Variants in HTR4 observed in about 807,000 individuals in gnomAD.
HTR4 encodes 5-hydroxytryptamine (serotonin) receptor 4, G protein-coupled.
Under a neutral mutation model 36.8 loss-of-function variants are expected in HTR4, and 16 were observed. The observed-to-expected ratio is 0.43, with a 90% CI of 0.29 to 0.66. The LOEUF is 0.66. HTR4 is among the 30% of genes least tolerant of loss of function. The pLI, the probability that HTR4 is intolerant of heterozygous loss-of-function variation, is 0.13. For missense variants in HTR4, 438 were observed against 490.9 expected (o/e 0.89, Z 1.02); for synonymous variants, 189 against 185.1 (o/e 1.02, Z -0.17).
chr5:148,452,487 A>T (rs1754996808), intron 5 of HTR4, among the ~76,000 whole-genome samples: 1 of 152,184 alleles, frequency 6.6e-6, no homozygotes, highest in Non-Finnish European at 1.5e-5. Context: ...CTCTACTGGC[A>T]CCTAGCGGGT....
chr5:148,487,373 G>A (rs1756212079), intron 6 of HTR4, among the ~76,000 whole-genome samples: 1 of 152,086 alleles, frequency 6.6e-6, no homozygotes, highest in African/African-American at 2.4e-5. Context: ...TTCTGTGGAA[G>A]AAAGAATAGG....
chr5:148,524,865 G>T lies in HTR4; in HGVS notation c.354-1519C>A, dbSNP rs147204086. Among the ~76,000 whole-genome samples the T allele has an allele frequency of 6.7e-3, 1,018 of 152,304 alleles. 4 individuals are homozygous for T. Among genetic ancestry groups the T allele is most frequent in the Non-Finnish European group, 0.012 (824 of 68,024 alleles). On this transcript the variant is annotated intron_variant, in intron 4 of 6. Coordinates refer to ENST00000377888, the MANE Select transcript of HTR4 (RefSeq NM_000870.7). ...GGCTATATTCTTTGAAGAGGTGGTA[G>T]TAGGATGGGTTGAGAGAGAGGGTGG... is the stretch of plus-strand genomic sequence containing the variant.
chr5:148,643,320 C>A (rs760184084), intron 1 of HTR4, among the ~76,000 whole-genome samples: 39 of 152,236 alleles, frequency 2.6e-4, no homozygotes, highest in African/African-American at 7.2e-4. Context: ...CCCAAGCAAC[C>A]TTTTGTTAAA....
intron 1 of HTR4, chr5:148,645,355 A>G (rs1753850350): frequency 1.3e-5 from 2 of 152,262 alleles, no homozygotes; most frequent in Admixed American, 1.3e-4. Context: ...TTCCAATAAA[A>G]CTAAATACAT....
chr5:148,582,836 T>G (rs551132157), intron 2 of HTR4, among the ~76,000 whole-genome samples: 10 of 152,224 alleles, frequency 6.6e-5, no homozygotes, highest in Admixed American at 2.6e-4. Flanking sequence ...GATTTTGGGC[T>G]GAGACAACGG....
At position 148,481,908 on chromosome 5, in the gene HTR4, C is replaced by G; in HGVS notation, c.*1295G>C. ...AAAGGCCCAAATGAGGAGGGTCGTT[C>G]CTTTGAAACAAAGCCAAAAGGCAGG... On this transcript the variant is annotated 3_prime_UTR_variant, in exon 7 of 7. Coordinates refer to ENST00000377888, the MANE Select transcript of HTR4 (RefSeq NM_000870.7). 8.8e-7 allele frequency: 1 copy of G among 1,136,666 alleles called. No homozygotes were observed. The allele number at this position is 1,136,666 out of a possible 1,614,324, so 70.4% of individuals were successfully genotyped here.
At chr5:148,497,167 C>T (rs1025640016) in intron 6 of HTR4, among the ~76,000 whole-genome samples, 1 of 151,992 alleles carries the variant, frequency 6.6e-6, no homozygotes, top group Non-Finnish European at 1.5e-5. Context: ...GTTATTGCTT[C>T]TGTGGATGGT....
At position 148,489,577 on chromosome 5, in the gene HTR4, A is replaced by C. The variant is rs532428707; in HGVS notation, c.1077-6284T>G. Reference sequence around the variant, plus strand: ...GAAAGTTTAGAGAACTCCTATTGGAACTGTGCCTAGAAGAATGAGTAGTCT... The same window carrying C: ...GAAAGTTTAGAGAACTCCTATTGGACCTGTGCCTAGAAGAATGAGTAGTCT... On this transcript the variant is annotated intron_variant, in intron 6 of 6. Transcript: ENST00000377888. Among the ~76,000 whole-genome samples the C allele has an allele frequency of 2.6e-5, 4 of 152,328 alleles. No individual in the cohort carries two copies. In the South Asian group the frequency reaches 8.3e-4, roughly 32 times the overall value.
chr5:148,645,286 C>G (rs1318252825), intron 1 of HTR4: 1 of 152,150 alleles, frequency 6.6e-6, no homozygotes, highest in African/African-American at 2.4e-5. Flanking sequence ...AACTACTCAA[C>G]TCTGCTGTGT....
chr5:148,551,615 A>T (rs1296275804), intron 2 of HTR4, among the ~76,000 whole-genome samples: 1 of 152,216 alleles, frequency 6.6e-6, no homozygotes, highest in Non-Finnish European at 1.5e-5. Flanking sequence ...TGTTCTTTTT[A>T]ATGAAGTTTC....
chr5:148,644,422 GTTTTTTTTTTTTTT>G (rs1175588280), intron 1 of HTR4, among the ~76,000 whole-genome samples: 19 of 40,582 alleles, frequency 4.7e-4, no homozygotes, highest in East Asian at 7.8e-4. Flanking sequence ...AAGCTCACAA[GTTTTTTTTTTTTTT>G]TTTTTTTTTT....
At chr5:148,572,165 T>C (rs944213608) in intron 2 of HTR4, among the ~76,000 whole-genome samples, 2 of 152,136 alleles carry the variant, frequency 1.3e-5, no homozygotes, top group Non-Finnish European at 2.9e-5. Context: ...TTCCAAGATT[T>C]TAGGCCTTGT....
At chr5:148,612,225 A>AT (rs1296755097) in intron 2 of HTR4, among the ~76,000 whole-genome samples, 2 of 151,994 alleles carry the variant, frequency 1.3e-5, no homozygotes, top group South Asian at 2.1e-4. Context: ...CAGAATATAC[A>AT]TTTTTTTCAG....
At chr5:148,610,408 C>G (rs1752374285) in intron 2 of HTR4, among the ~76,000 whole-genome samples, 1 of 152,198 alleles carries the variant, frequency 6.6e-6, no homozygotes, top group African/African-American at 2.4e-5. Flanking sequence ...CACCCTCCAG[C>G]AGGGGCACAC....
intron 5 of HTR4, chr5:148,451,360 C>G (rs1386212238): frequency 6.3e-7 from 1 of 1,594,310 alleles, no homozygotes; most frequent in African/African-American, 1.3e-5. Context: ...CTCTTGACTT[C>G]CTTTCTTTGC....
chr5:148,637,066 A>C lies in HTR4; in HGVS notation c.-47-5T>G, dbSNP rs757130706. ...GATTTCAATGCCCACAGGGTCCTAA[A>C]ATGGGGGAAGTAAAAAGATGTTATA... On this transcript the variant is annotated splice_region_variant and splice_polypyrimidine_tract_variant and intron_variant, in intron 1 of 6. Transcript: ENST00000377888. 6.3e-7 allele frequency: 1 copy of C among 1,592,922 alleles called. No homozygotes were observed. The highest frequency in any genetic ancestry group is 1.1e-5 in the South Asian group (1 of 89,280).
intron 2 of HTR4, among the ~76,000 whole-genome samples, chr5:148,568,892 A>G (rs1760561776): frequency 1.3e-5 from 2 of 152,152 alleles, no homozygotes; most frequent in African/African-American, 4.8e-5. Flanking sequence ...ACACTTGGAA[A>G]TGGTACAAAA....
intron 2 of HTR4, among the ~76,000 whole-genome samples, chr5:148,578,378 T>A (rs1254860819): frequency 6.6e-6 from 1 of 152,114 alleles, no homozygotes; most frequent in Non-Finnish European, 1.5e-5. Context: ...CACCTAGTCC[T>A]AGGCATCCTG....
intron 2 of HTR4, among the ~76,000 whole-genome samples, chr5:148,614,443 T>A (rs1010750140): frequency 7.2e-5 from 11 of 152,230 alleles, no homozygotes; most frequent in Non-Finnish European, 1.3e-4. Flanking sequence ...GGATTCCCTA[T>A]TTAATAAATG....
Sources: allele counts gnomAD v4.1 joint callset (sites outside exome capture counted in the v4.1 genomes callset), GRCh38; gene constraint gnomAD v4.1.1; transcripts MANE v1.5; gene names NCBI Gene and HGNC (gene_info 2026-07-23, HGNC 2026-07-21).